Variants in ANK1 observed in about 807,000 individuals in gnomAD.
The protein encoded by ANK1 is ankyrin-1.
Under a neutral mutation model 210.4 loss-of-function variants are expected in ANK1, and 51 were observed. The observed-to-expected ratio is 0.24, with a 90% CI of 0.19 to 0.31. The LOEUF (loss-of-function observed/expected upper bound fraction) is 0.31. ANK1 is among the 10% of genes least tolerant of loss of function. ANK1 has a pLI of 1.00. For synonymous variants in ANK1, 967 were observed against 1,025.9 expected, an observed-to-expected ratio of 0.94 and a Z score of 1.10; for missense variants, 2,051 against 2,504.4, an observed-to-expected ratio of 0.82 and a Z score of 3.86.
intron 1 of ANK1, among the ~76,000 whole-genome samples, chr8:41,776,399 G>A (rs1844049269): frequency 6.6e-6 from 1 of 152,070 alleles, no homozygotes; most frequent in Admixed American, 6.5e-5. Flanking sequence ...GAAATGGGGA[G>A]GCCTTGAATC....
In ANK1 at chr8:41,848,037, T is replaced by C. The variant is rs1587397766; in HGVS notation, c.126+48318A>G. On this transcript the variant is annotated intron_variant, in intron 1 of 42. Coordinates refer to the ANK1 transcript ENST00000265709. Reference sequence around the variant, plus strand: ...CTGTTTCTACTCAAAATACAAAACTTAGCCGGGTGTGATGGTGTGCACCTG... The same window carrying C: ...CTGTTTCTACTCAAAATACAAAACTCAGCCGGGTGTGATGGTGTGCACCTG... Among the ~76,000 whole-genome samples, 6 of 151,804 alleles carry C rather than the reference T, an allele frequency of 4.0e-5. No individual in the cohort carries two copies. The South Asian group carries it at 1.3e-3, about 32-fold the overall frequency.
At chr8:41,791,476 C>A (rs1048699996) in intron 1 of ANK1, among the ~76,000 whole-genome samples, 3 of 147,138 alleles carry the variant, frequency 2.0e-5, no homozygotes, top group Non-Finnish European at 4.5e-5. Flanking sequence ...GAGACTTGCT[C>A]TGTCTCCAGG....
intron 1 of ANK1, among the ~76,000 whole-genome samples, chr8:41,785,050 C>T (rs1447324671): frequency 6.6e-6 from 1 of 152,170 alleles, no homozygotes. Context: ...TCTCCTGTTT[C>T]TGCCCCTCAG....
At chr8:41,768,458 C>A (rs990119739) in intron 1 of ANK1, among the ~76,000 whole-genome samples, 3 of 152,218 alleles carry the variant, frequency 2.0e-5, no homozygotes, top group African/African-American at 7.2e-5. Context: ...GGACATACTG[C>A]ATTATCTCAT....
chr8:41,893,877 GA>G (rs1294843562), intron 1 of ANK1, among the ~76,000 whole-genome samples: 2 of 152,146 alleles, frequency 1.3e-5, no homozygotes, highest in African/African-American at 4.8e-5. Context: ...TCTCCTTCAT[GA>G]AAAATGGCTT....
At position 41,797,433 on chromosome 8, in the gene ANK1, G is replaced by A. The variant is rs1212065723; in HGVS notation, c.27+79C>T. On this transcript the variant is annotated intron_variant, in intron 1 of 42. Transcript: ENST00000289734. This position sits in a 1 kb window ranked among gnomAD's most constrained non-coding sequence, Gnocchi z 4.0. ...GGGGTGTGCAAAGCTGCTCTTGCTC[G>A]CGTGCTGCCTACTGGCGCGGCCTGG... 3.0e-6 allele frequency: 4 copies of A among 1,343,222 alleles called. No individual in the cohort carries two copies. The highest frequency in any genetic ancestry group is 3.1e-6 in the Non-Finnish European group (3 of 955,434). The allele number at this position is 1,343,222 out of a possible 1,614,324, so 83.2% of individuals were successfully genotyped here.
intron 1 of ANK1, among the ~76,000 whole-genome samples, chr8:41,793,500 A>G (rs1045235700): frequency 3.9e-5 from 6 of 152,246 alleles, no homozygotes; most frequent in Non-Finnish European, 7.3e-5. Flanking sequence ...TTAAAGCAAG[A>G]AAGTGAAGTG....
chr8:41,880,157 T>A (rs1394425241), intron 1 of ANK1, among the ~76,000 whole-genome samples: 2 of 152,210 alleles, frequency 1.3e-5, no homozygotes, highest in East Asian at 3.8e-4. Flanking sequence ...GCATGAAAAT[T>A]AAATGAAATT....
upstream of ANK1, among the ~76,000 whole-genome samples, chr8:41,801,307 A>G (rs1240708665): frequency 6.6e-6 from 1 of 152,204 alleles, no homozygotes; most frequent in East Asian, 1.9e-4. Flanking sequence ...ACTTTTTCCT[A>G]TTAAAACATT....
intron 2 of ANK1, among the ~76,000 whole-genome samples, chr8:41,744,440 C>T (rs1463047500): frequency 6.6e-6 from 1 of 151,888 alleles, no homozygotes; most frequent in Non-Finnish European, 1.5e-5. Flanking sequence ...AAGGGAAAAG[C>T]AGTGAACTTA....
chr8:41,776,713 T>C (rs1256448768), intron 1 of ANK1, among the ~76,000 whole-genome samples: 2 of 152,166 alleles, frequency 1.3e-5, no homozygotes, highest in Non-Finnish European at 2.9e-5. Context: ...GCCAAAACAT[T>C]GCAATTAAAC....
At chr8:41,760,588 T>C (rs754799879) in intron 1 of ANK1, among the ~76,000 whole-genome samples, 2 of 152,228 alleles carry the variant, frequency 1.3e-5, no homozygotes, top group African/African-American at 2.4e-5. Flanking sequence ...TCCTCAGGCA[T>C]TGGAGTCCGT....
rs774739263 is a variant in ANK1, at chr8:41,727,985, T to C, written c.250A>G (p.Ile84Val). The C allele has an allele frequency of 3.1e-6, 5 of 1,614,180 alleles. No homozygotes were observed. The highest frequency in any genetic ancestry group is 2.7e-5 in the African/African-American group (2 of 75,058). ...TTKKGNTALH[I>V]AALAGQDEVV... Reference sequence around the variant, plus strand: ...TCATCCTGCCCGGCTAGAGCAGCGATGTGCAGGGCCGTGTTCCCCTTCTGA... The same window carrying C: ...TCATCCTGCCCGGCTAGAGCAGCGACGTGCAGGGCCGTGTTCCCCTTCTGA... The change falls in exon 4 of 43, where the codon ATC (isoleucine) becomes GTC (valine). Residue 84 changes from isoleucine to valine, a missense_variant. Transcript: ENST00000289734.
At chr8:41,742,535 A>C (rs1835039080) in intron 2 of ANK1, among the ~76,000 whole-genome samples, 1 of 152,102 alleles carries the variant, frequency 6.6e-6, no homozygotes, top group African/African-American at 2.4e-5. Context: ...CCTGAAATTC[A>C]CTGCTCAGTC....
chr8:41,799,677 C>T (rs1587047234), upstream of ANK1, among the ~76,000 whole-genome samples: 1 of 152,134 alleles, frequency 6.6e-6, no homozygotes, highest in African/African-American at 2.4e-5. Context: ...AGGCTTGAGG[C>T]GGGCCAGCAC....
intron 1 of ANK1, among the ~76,000 whole-genome samples, chr8:41,814,803 G>A (rs1803069617): frequency 1.3e-5 from 2 of 150,546 alleles, no homozygotes; most frequent in African/African-American, 2.5e-5. Flanking sequence ...CTGATTTATC[G>A]GAACTTAGCA....
intron 1 of ANK1, among the ~76,000 whole-genome samples, chr8:41,853,225 C>G (rs1811584580): frequency 6.6e-6 from 1 of 152,192 alleles, no homozygotes; most frequent in Non-Finnish European, 1.5e-5. Flanking sequence ...GTTCTCTTTC[C>G]TGGCTTTCTT....
intron 37 of ANK1, among the ~76,000 whole-genome samples, chr8:41,680,285 G>A (rs141654426): frequency 0.012 from 1,755 of 152,254 alleles, 123 homozygotes; most frequent in Admixed American, 0.099. Flanking sequence ...GTAAGGGGCC[G>A]GGCACAGTGG....
At position 41,727,677 on chromosome 8, in the gene ANK1, C is replaced by T. The variant is rs147334449; in HGVS notation, c.327+231G>A. Among the ~76,000 whole-genome samples the T allele has an allele frequency of 9.8e-5, 15 of 152,332 alleles. No individual in the cohort carries two copies. The East Asian group carries it at 2.9e-3, about 29-fold the overall frequency. ...GGCTACAACTGGACATACTATTTGG[C>T]TTAGGTCCAAAACAATTCAACCCCG... On this transcript the variant is annotated intron_variant, in intron 4 of 42. Transcript: ENST00000289734.
Sources: allele counts gnomAD v4.1 joint callset (sites outside exome capture counted in the v4.1 genomes callset), GRCh38; gene constraint gnomAD v4.1.1; non-coding constraint Gnocchi (gnomAD v3.1); transcripts MANE v1.5; gene names NCBI Gene and HGNC (gene_info 2026-07-23, HGNC 2026-07-21).